The following SCYL2 variants were observed in gnomAD, a reference collection of about 807,000 sequenced individuals.
SCYL2 encodes the protein SCY1 like pseudokinase 2, also known as SCY1-like protein 2.
Under a neutral mutation model 100.4 loss-of-function variants are expected in SCYL2, and 36 were observed. The observed-to-expected ratio is 0.36, with a 90% CI of 0.27 to 0.47. The LOEUF (loss-of-function observed/expected upper bound fraction) is 0.47. SCYL2 is among the 20% of genes least tolerant of loss of function. The pLI is 1.00. For synonymous variants in SCYL2, 330 were observed against 359.2 expected (o/e 0.92, Z 0.92); for missense variants, 902 against 1,083.9 (o/e 0.83, Z 2.36).
At chr12:100,319,498 A>G (rs1161968548) in intron 10 of SCYL2, among the ~76,000 whole-genome samples, 1 of 152,184 alleles carries the variant, frequency 6.6e-6, no homozygotes, top group Non-Finnish European at 1.5e-5. Flanking sequence ...AGTAGTATAT[A>G]ATTCAGATTG....
rs774094831 is a variant in SCYL2 at position 100,340,657 on chromosome 12, A to G, written c.*1485A>G. 2 of 152,062 alleles carry G rather than the reference A, an allele frequency of 1.3e-5. No homozygotes were observed. The highest frequency in any genetic ancestry group is 2.9e-5 in the Non-Finnish European group (2 of 67,916). The allele number at this position is 152,062 out of a possible 1,614,324, so 9.4% of individuals were successfully genotyped here. ...TGATTACAAAATGTAATTTAATTAT[A>G]TTATTGCTGGCAGCATTCAGTTAAG... On this transcript the variant is annotated 3_prime_UTR_variant, in exon 18 of 18. Transcript: ENST00000360820.
intron 17 of SCYL2, 86 bp downstream of exon 17, chr12:100,337,592 A>T: frequency 8.1e-7 from 1 of 1,234,348 alleles, no homozygotes; most frequent in South Asian, 1.3e-5. Context: ...TAGTATTTGT[A>T]TAAAAATATA....
Position 100,340,353 on chromosome 12 carries a change from T to C in SCYL2, c.*1181T>C, listed in dbSNP as rs1181756732. Reference sequence around the variant, plus strand: ...TATTTTTCAAAACCTTTCTCTGATATTTTTCTTTAATTTGCTGATTATTCA... The same window carrying C: ...TATTTTTCAAAACCTTTCTCTGATACTTTTCTTTAATTTGCTGATTATTCA... On this transcript the variant is annotated 3_prime_UTR_variant, in exon 18 of 18. Transcript: ENST00000360820. 6.6e-6 allele frequency: 1 copy of C among 152,120 alleles called. No homozygotes were observed. The highest frequency in any genetic ancestry group is 1.9e-4 in the East Asian group (1 of 5,198). The allele number at this position is 152,120 out of a possible 1,614,324, so 9.4% of individuals were successfully genotyped here.
chr12:100,303,516 T>C lies in SCYL2; in HGVS notation c.480+5341T>C, dbSNP rs2096330283. On this transcript the variant is annotated intron_variant, in intron 4 of 17. Transcript: ENST00000360820. Reference sequence around the variant, plus strand: ...ATTTTCCTTCTAACAGTCAGGCCCCTCTGCTGCATGTCTGTTGGAGTTTGC... The same window carrying C: ...ATTTTCCTTCTAACAGTCAGGCCCCCCTGCTGCATGTCTGTTGGAGTTTGC... 2.0e-5 allele frequency among the ~76,000 whole-genome samples: 3 copies of C among 152,254 alleles called. No homozygotes were observed. In the South Asian group the frequency reaches 6.2e-4, roughly 32 times the overall value.
In SCYL2 at chr12:100,267,666, C is replaced by G. The variant is rs931736246; in HGVS notation, c.-155C>G. 1.3e-5 allele frequency: 2 copies of G among 152,300 alleles called. No homozygotes were observed. The highest frequency in any genetic ancestry group is 4.8e-5 in the African/African-American group (2 of 41,436). 9.4% of individuals were successfully genotyped at this position (152,300 alleles called of 1,614,324 possible). Reference sequence around the variant, plus strand: ...CGAGTCCTCGAAAGAGGCCTTGAGGCGACGGGAGACCCGGGATCGAAGTCA... The same window carrying G: ...CGAGTCCTCGAAAGAGGCCTTGAGGGGACGGGAGACCCGGGATCGAAGTCA... On this transcript the variant is annotated 5_prime_UTR_variant, in exon 1 of 18. Transcript: ENST00000360820.
chr12:100,284,981 G>A (rs1443641901), intron 2 of SCYL2, among the ~76,000 whole-genome samples: 1 of 152,154 alleles, frequency 6.6e-6, no homozygotes, highest in Non-Finnish European at 1.5e-5. Flanking sequence ...AGACCAACAT[G>A]TGCAATGTAG....
chr12:100,314,684 A>G, intron 8 of SCYL2, 70 bp downstream of exon 8: 3 of 1,351,096 alleles, frequency 2.2e-6, no homozygotes, highest in Non-Finnish European at 3.1e-6. Flanking sequence ...ACTTACTACC[A>G]TAACTCTTCC....
chr12:100,327,836 A>G (rs758260365), intron 12 of SCYL2, among the ~76,000 whole-genome samples: 2 of 152,120 alleles, frequency 1.3e-5, no homozygotes, highest in Non-Finnish European at 2.9e-5. Flanking sequence ...TTATTCATCC[A>G]TGTATTCTTA....
chr12:100,274,438 T>A (rs1451166629), intron 1 of SCYL2, among the ~76,000 whole-genome samples: 1 of 152,226 alleles, frequency 6.6e-6, no homozygotes, highest in African/African-American at 2.4e-5. Context: ...CCTATATATC[T>A]CTGTGACAAC....
At chr12:100,310,125 A>T (rs2096340371) in intron 4 of SCYL2, among the ~76,000 whole-genome samples, 1 of 151,916 alleles carries the variant, frequency 6.6e-6, no homozygotes, top group Admixed American at 6.6e-5. Flanking sequence ...CAGCCTACCG[A>T]GTAGCTGGGT....
Position 100,335,697 on chromosome 12 carries a change from A to G in SCYL2, c.1929+6A>G. The G allele has an allele frequency of 6.2e-7, 1 of 1,609,622 alleles. No individual in the cohort carries two copies. The highest frequency in any genetic ancestry group is 8.5e-7 in the Non-Finnish European group (1 of 1,177,134). On this transcript the variant is annotated splice_donor_region_variant and intron_variant, in intron 15 of 17. Coordinates refer to ENST00000360820, the MANE Select transcript of SCYL2 (RefSeq NM_017988.6). ...TTACAAATATTGGGAATCAGGTAAG[A>G]AGCAGCTTAATTTTTGCAGAAAGTA...
At position 100,308,081 on chromosome 12, in the gene SCYL2, G is replaced by A. The variant is rs370315474; in HGVS notation, c.481-2963G>A. On this transcript the variant is annotated intron_variant, in intron 4 of 17. Coordinates refer to ENST00000360820, the MANE Select transcript of SCYL2 (RefSeq NM_017988.6). ...CAACCATTGTTGAAAACAGTATGGC[G>A]ATTCCTCAAGGATCTAGAACCAAAA... Among the ~76,000 whole-genome samples the A allele has an allele frequency of 2.0e-4, 31 of 152,246 alleles. 1 individual carries two copies. Among genetic ancestry groups the A allele is most frequent in the Admixed American group, 1.2e-3 (18 of 15,294 alleles).
rs149664820 is a variant in SCYL2, at chr12:100,279,179, G to C, written c.-28-3764G>C. ...TCCACAGATGGGGGATGGGAGGCTT[G>C]GTTTCAGGGTGAAACTCTTCTACCT... On this transcript the variant is annotated intron_variant, in intron 1 of 17. Coordinates refer to ENST00000360820, the MANE Select transcript of SCYL2 (RefSeq NM_017988.6). 5.2e-3 allele frequency among the ~76,000 whole-genome samples: 792 copies of C among 152,292 alleles called. 5 individuals carry two copies. Among genetic ancestry groups the C allele is most frequent in the African/African-American group, 0.013 (558 of 41,558 alleles).
chr12:100,333,119 T>C (rs77577593), intron 13 of SCYL2, among the ~76,000 whole-genome samples: 3,743 of 152,194 alleles, frequency 0.025, 148 homozygotes, highest in African/African-American at 0.085. Context: ...ATGTAGACTT[T>C]TGTGTTAGTA....
At chr12:100,300,940 A>C (rs2096326805) in intron 4 of SCYL2, among the ~76,000 whole-genome samples, 1 of 152,216 alleles carries the variant, frequency 6.6e-6, no homozygotes. Context: ...TATTGTGAAT[A>C]GTGCTGCAAC....
chr12:100,308,847 A>T lies in SCYL2; in HGVS notation c.481-2197A>T, dbSNP rs539677555. Among the ~76,000 whole-genome samples, 6 of 152,158 alleles carry T rather than the reference A, an allele frequency of 3.9e-5. No individual in the cohort carries two copies. The East Asian group carries it at 1.2e-3, about 29-fold the overall frequency. On this transcript the variant is annotated intron_variant, in intron 4 of 17. Transcript: ENST00000360820. Reference sequence around the variant, plus strand: ...TAGAGCATGTGTGCTAGTTGAGCCCAGCATAGCTTTGCTTTCTGCTGTTAC... The same window carrying T: ...TAGAGCATGTGTGCTAGTTGAGCCCTGCATAGCTTTGCTTTCTGCTGTTAC...
chr12:100,293,141 G>A (rs1207618443), intron 3 of SCYL2, among the ~76,000 whole-genome samples: 1 of 151,712 alleles, frequency 6.6e-6, no homozygotes, highest in Non-Finnish European at 1.5e-5. Context: ...TTAATTTTTG[G>A]GGTGGGGTTT....
chr12:100,272,267 G>A (rs1198950401), intron 1 of SCYL2, among the ~76,000 whole-genome samples: 1 of 151,226 alleles, frequency 6.6e-6, no homozygotes, highest in Non-Finnish European at 1.5e-5. Context: ...GAAAATATAG[G>A]CTTTTTTCTT....
chr12:100,296,121 T>C (rs1049044572), intron 3 of SCYL2, among the ~76,000 whole-genome samples: 2 of 152,240 alleles, frequency 1.3e-5, no homozygotes, highest in African/African-American at 4.8e-5. Flanking sequence ...TTAAATATTA[T>C]AGAATTAGGA....
Sources: gnomAD v4.1 joint callset for allele counts (sites outside exome capture counted in the v4.1 genomes callset) on GRCh38, gnomAD v4.1.1 for gene constraint, MANE v1.5 for transcripts, NCBI Gene and HGNC (gene_info 2026-07-23, HGNC 2026-07-21) for gene names.